Variants in DNAH11 observed in about 807,000 individuals in gnomAD.
DNAH11 encodes the protein dynein axonemal heavy chain 11, also known as axonemal beta dynein heavy chain 11.
A neutral mutation model predicts 526.0 loss-of-function variants in DNAH11; 442 were observed. The ratio of observed to expected loss-of-function variants is 0.84; its 90% CI spans 0.78 to 0.91. The LOEUF is 0.91. Among genes scored for constraint, DNAH11 ranks in the 40% least tolerant of loss-of-function variants. The pLI, the probability that DNAH11 is intolerant of heterozygous loss-of-function variation, is 0.00. For synonymous variants in DNAH11, 2,461 were observed against 1,935.9 expected (o/e 1.27, Z -7.12); for missense variants, 6,989 against 5,448.7 (o/e 1.28, Z -8.90).
At chr7:21,656,341 A>G (rs1782015554) in intron 29 of DNAH11, among the ~76,000 whole-genome samples, 1 of 152,172 alleles carries the variant, frequency 6.6e-6, no homozygotes, top group Non-Finnish European at 1.5e-5. Flanking sequence ...AGAACAGAGA[A>G]GGGTTATAGT....
At chr7:21,664,193 T>C in intron 30 of DNAH11, among the ~76,000 whole-genome samples, 1 of 151,570 alleles carries the variant, frequency 6.6e-6, no homozygotes, top group Non-Finnish European at 1.5e-5. Context: ...TTCATTGTGG[T>C]TTCTATTCTT....
At chr7:21,766,216 A>G (rs1249363354) in intron 55 of DNAH11, among the ~76,000 whole-genome samples, 1 of 152,238 alleles carries the variant, frequency 6.6e-6, no homozygotes, top group Non-Finnish European at 1.5e-5. Context: ...ATGGTTGTAC[A>G]AAACAAAACA....
At position 21,901,361 on chromosome 7, in the gene DNAH11, C is replaced by CGTGCATTCTTTT; in HGVS notation, c.*108_*119dup. 7.4e-7 allele frequency: 1 copy of CGTGCATTCTTTT among 1,359,238 alleles called. No homozygotes were observed. Among genetic ancestry groups the CGTGCATTCTTTT allele is most frequent in the Non-Finnish European group, 9.6e-7 (1 of 1,043,226 alleles). The allele number at this position is 1,359,238 out of a possible 1,614,324, so 84.2% of individuals were successfully genotyped here. A position where few individuals can be genotyped will look rare whatever the true frequency, so the allele number is the denominator to read the frequency against. Reference sequence around the variant, plus strand: ...TATTCTAACTTTTTAGTAACTCACACGTGCATTCTTTTTTCAACGCTATCC... The same window carrying CGTGCATTCTTTT: ...TATTCTAACTTTTTAGTAACTCACACGTGCATTCTTTTGTGCATTCTTTTTTCAACGCTATCC... On this transcript the variant is annotated 3_prime_UTR_variant, in exon 82 of 82. Transcript: ENST00000409508.
rs908852795 is a variant in DNAH11 at position 21,749,670 on chromosome 7, C to T, written c.8674-8C>T. 1 of 1,613,590 alleles carries T rather than the reference C, an allele frequency of 6.2e-7. No homozygotes were observed. The highest frequency in any genetic ancestry group is 8.5e-7 in the Non-Finnish European group (1 of 1,179,762). ...TAACAAAACATGAGTGATGGCCTTT[C>T]CTTACAGGTAGATCTTGCCAATTTG... On this transcript the variant is annotated splice_polypyrimidine_tract_variant and splice_region_variant and intron_variant, in intron 52 of 81. Coordinates refer to ENST00000409508, the MANE Select transcript of DNAH11 (RefSeq NM_001277115.2).
chr7:21,886,887 C>G (rs2128044983), intron 76 of DNAH11, among the ~76,000 whole-genome samples: 1 of 152,302 alleles, frequency 6.6e-6, no homozygotes, highest in Admixed American at 6.5e-5. Flanking sequence ...CTTCATTTTG[C>G]AAGCTGGCAT....
chr7:21,779,053 G>C lies in DNAH11; in HGVS notation c.9432G>C (p.Gln3144His), dbSNP rs1403317009. The C allele has an allele frequency of 6.2e-7, 1 of 1,613,338 alleles. No individual in the cohort carries two copies. Among genetic ancestry groups the C allele is most frequent in the Non-Finnish European group, 8.5e-7 (1 of 1,179,582 alleles). The change falls in exon 57 of 82, where the codon CAG (glutamine) becomes CAC (histidine). Residue 3144 changes from glutamine (Q) to histidine (H), a missense_variant. By Grantham distance (24) the Gln-to-His change is conservative (BLOSUM62 0). Transcript: ENST00000409508. Reference protein sequence around the residue: ...AEALITKIGLQTEKVSREKTI... With the variant: ...AEALITKIGLHTEKVSREKTI... ...CTCTGATCACAAAGATCGGCCTTCA[G>C]ACGGAGAAAGTGAGCCGGGAAAAGA...
intron 35 of DNAH11, among the ~76,000 whole-genome samples, chr7:21,691,839 C>T (rs969894954): frequency 4.3e-4 from 66 of 152,160 alleles, no homozygotes; most frequent in African/African-American, 1.5e-3. Flanking sequence ...TTTGTCTTTT[C>T]CTTTTTTTTA....
At chr7:21,833,003 TAAACAC>T (rs1781848103) in intron 65 of DNAH11, among the ~76,000 whole-genome samples, 1 of 152,184 alleles carries the variant, frequency 6.6e-6, no homozygotes, top group African/African-American at 2.4e-5. Context: ...TACACACACA[TAAACAC>T]AAACACATAC....
chr7:21,800,498 G>T (rs1788934772), intron 61 of DNAH11, among the ~76,000 whole-genome samples: 1 of 152,064 alleles, frequency 6.6e-6, no homozygotes, highest in South Asian at 2.1e-4. Flanking sequence ...CGGGTGTGGT[G>T]GTGCACACCT....
chr7:21,873,714 C>T (rs1232849772), intron 74 of DNAH11, among the ~76,000 whole-genome samples: 3 of 150,528 alleles, frequency 2.0e-5, no homozygotes, highest in East Asian at 2.0e-4. Flanking sequence ...ATTTCAGTCT[C>T]ACCCTAACAT....
chr7:21,890,410 C>G (rs890917265), intron 76 of DNAH11, among the ~76,000 whole-genome samples: 5 of 152,180 alleles, frequency 3.3e-5, no homozygotes, highest in African/African-American at 1.2e-4. Flanking sequence ...AACAAATGTC[C>G]CCATGGCAGC....
intron 62 of DNAH11, among the ~76,000 whole-genome samples, chr7:21,806,163 G>A (rs1324440618): frequency 3.9e-5 from 6 of 152,312 alleles, no homozygotes; most frequent in African/African-American, 1.4e-4. Flanking sequence ...AATGATTTAT[G>A]TTGCATGGAT....
At chr7:21,665,513 CTTCCCCTGTCAACAACA>C (rs1782390148) in intron 30 of DNAH11, among the ~76,000 whole-genome samples, 1 of 152,124 alleles carries the variant, frequency 6.6e-6, no homozygotes, top group Non-Finnish European at 1.5e-5. Flanking sequence ...GTGTCCACTC[CTTCCCCTGTCAACAACA>C]TTGGGCTGGT....
At chr7:21,767,462 C>A (rs1374374719) in intron 55 of DNAH11, among the ~76,000 whole-genome samples, 1 of 152,134 alleles carries the variant, frequency 6.6e-6, no homozygotes, top group Admixed American at 6.5e-5. Context: ...CCGTTGACAT[C>A]TGCTGGATGA....
At chr7:21,875,852 T>C (rs1276735195) in intron 74 of DNAH11, among the ~76,000 whole-genome samples, 1 of 151,688 alleles carries the variant, frequency 6.6e-6, no homozygotes, top group African/African-American at 2.4e-5. Context: ...AGAAGGGCTT[T>C]TAGGAACTTC....
chr7:21,767,037 T>C (rs1787214368), intron 55 of DNAH11, among the ~76,000 whole-genome samples: 3 of 152,214 alleles, frequency 2.0e-5, no homozygotes, highest in African/African-American at 4.8e-5. Flanking sequence ...CTCTAACATC[T>C]GGAAAATCAT....
intron 1 of DNAH11, among the ~76,000 whole-genome samples, chr7:21,543,943 C>G (rs1243083204): frequency 2.0e-5 from 3 of 152,130 alleles, no homozygotes; most frequent in African/African-American, 7.2e-5. Flanking sequence ...TTCAGTTGCT[C>G]TTGGGTCACT....
At chr7:21,623,196 C>CA (rs1786162554) in intron 25 of DNAH11, among the ~76,000 whole-genome samples, 1 of 152,136 alleles carries the variant, frequency 6.6e-6, no homozygotes, top group Non-Finnish European at 1.5e-5. Context: ...TTTATGCAAC[C>CA]AAAAAACACA....
intron 60 of DNAH11, among the ~76,000 whole-genome samples, chr7:21,788,630 A>C (rs1322121683): frequency 2.0e-5 from 3 of 152,176 alleles, no homozygotes; most frequent in Admixed American, 6.5e-5. Context: ...CCATTCAAAC[A>C]ACATGTGCTT....
Sources: allele counts gnomAD v4.1 joint callset (sites outside exome capture counted in the v4.1 genomes callset), GRCh38; gene constraint gnomAD v4.1.1; transcripts MANE v1.5; gene names NCBI Gene and HGNC (gene_info 2026-07-23, HGNC 2026-07-21).